UBQLN1: variants seen among roughly 807,000 people sequenced by gnomAD.
The protein encoded by UBQLN1 is ubiquilin 1.
Under a neutral mutation model 65.4 loss-of-function variants are expected in UBQLN1, and 13 were observed. The observed-to-expected ratio is 0.20, with a 90% CI of 0.13 to 0.32. UBQLN1 has a LOEUF of 0.32. Ranked by LOEUF, UBQLN1 falls within the 10% of genes least tolerant of loss-of-function variation. The pLI, the probability that UBQLN1 is intolerant of heterozygous loss-of-function variation, is 1.00. For synonymous variants in UBQLN1, 267 were observed against 247.8 expected, an observed-to-expected ratio of 1.08 and a Z score of -0.73; for missense variants, 561 against 724.0, an observed-to-expected ratio of 0.77 and a Z score of 2.58.
chr9:83,696,479 CAAT>C (rs1368977133), intron 1 of UBQLN1, among the ~76,000 whole-genome samples: 2 of 151,758 alleles, frequency 1.3e-5, no homozygotes, highest in African/African-American at 4.8e-5. Context: ...AAAAAAAACC[CAAT>C]AAGAAAAATA....
intron 1 of UBQLN1, among the ~76,000 whole-genome samples, chr9:83,695,926 T>G (rs768013275): frequency 6.6e-6 from 1 of 152,186 alleles, no homozygotes; most frequent in Non-Finnish European, 1.5e-5. Flanking sequence ...TTTGTATAGT[T>G]TCACTTCACT....
At position 83,707,681 on chromosome 9, in the gene UBQLN1, G is replaced by T; in HGVS notation, c.-2C>A. 1.3e-6 allele frequency: 2 copies of T among 1,536,150 alleles called. No homozygotes were observed. Among genetic ancestry groups the T allele is most frequent in the Non-Finnish European group, 8.7e-7 (1 of 1,145,790 alleles). ...GCCGCTTTCACCACTCTCGGCCATG[G>T]CTGTGGCGGCGGCGGCGGCGGTGAC... On this transcript the variant is annotated 5_prime_UTR_variant, in exon 1 of 11. Transcript: ENST00000376395.
intron 1 of UBQLN1, among the ~76,000 whole-genome samples, chr9:83,690,047 C>T (rs535403080): frequency 1.3e-5 from 2 of 152,206 alleles, no homozygotes; most frequent in South Asian, 4.1e-4. Flanking sequence ...TAAATCAGTA[C>T]ATTTTGGAAT....
intron 1 of UBQLN1, among the ~76,000 whole-genome samples, chr9:83,700,344 T>C (rs533821635): frequency 6.6e-6 from 1 of 152,316 alleles, no homozygotes; most frequent in Non-Finnish European, 1.5e-5. Context: ...GCTACCAGAT[T>C]ATGTACATAC....
In UBQLN1 at chr9:83,661,862, G is replaced by A; in HGVS notation, c.1695C>T (p.Asn565=). Residue 565 remains asparagine (N), a synonymous_variant, in exon 11 of 11, where the codon AAC becomes AAT. Transcript: ENST00000376395. ...SAMGFLNREA[N]LQALIATGGD... The stretch of plus-strand genomic sequence containing the variant: ...CTCCTGTTGCTATTAGAGCTTGCAA[G>A]TTTGCTTCACGGTTCAAAAATCCCA... 6.2e-7 allele frequency: 1 copy of A among 1,613,994 alleles called. No homozygotes were observed. Among genetic ancestry groups the A allele is most frequent in the Non-Finnish European group, 8.5e-7 (1 of 1,179,940 alleles).
rs140098034 is a variant in UBQLN1 at position 83,667,987 on chromosome 9, C to T, written c.1248+1198G>A. On this transcript the variant is annotated intron_variant, in intron 7 of 10. Transcript: ENST00000376395. The stretch of plus-strand genomic sequence containing the variant: ...AAGTAAGATTATTACAAAATTGCTA[C>T]GCATGTGCTTGTTAAAGTCAAATTT... 2,180 of 985,312 alleles carry T rather than the reference C, an allele frequency of 2.2e-3. 25 individuals are homozygous for T. Among genetic ancestry groups the T allele is most frequent in the Non-Finnish European group, 1.8e-3 (1,507 of 829,860 alleles). The allele number at this position is 985,312 out of a possible 1,614,324, so 61.0% of individuals were successfully genotyped here.
chr9:83,704,470 T>C (rs1460992948), intron 1 of UBQLN1, among the ~76,000 whole-genome samples: 1 of 152,178 alleles, frequency 6.6e-6, no homozygotes, highest in Non-Finnish European at 1.5e-5. Context: ...TGATCAAGAA[T>C]TTAAAAATAA....
chr9:83,667,319 C>T (rs1357337618), intron 7 of UBQLN1: 2 of 178,996 alleles, frequency 1.1e-5, no homozygotes, highest in African/African-American at 2.4e-5. Context: ...AGTAAAAAGT[C>T]AACTAACAAG....
intron 6 of UBQLN1, among the ~76,000 whole-genome samples, chr9:83,673,156 G>C (rs1831762114): frequency 6.6e-6 from 1 of 152,176 alleles, no homozygotes; most frequent in Non-Finnish European, 1.5e-5. Context: ...TTTGAACCCA[G>C]GAGAAGAAGG....
intron 9 of UBQLN1, 116 bp downstream of exon 9, chr9:83,664,914 G>A: frequency 1.5e-6 from 1 of 653,994 alleles, no homozygotes; most frequent in Non-Finnish European, 2.3e-6. Context: ...GCGAGACCCT[G>A]TATCCCACCA....
At chr9:83,706,364 A>G (rs1832406910) in intron 1 of UBQLN1, among the ~76,000 whole-genome samples, 1 of 152,256 alleles carries the variant, frequency 6.6e-6, no homozygotes, top group South Asian at 2.1e-4. Context: ...AATGGTAAGG[A>G]AAATTTTTAC....
chr9:83,668,905 A>G (rs1831685334), intron 7 of UBQLN1: 1 of 311,376 alleles, frequency 3.2e-6, no homozygotes, highest in Admixed American at 5.1e-5. Context: ...GGCATTCCAG[A>G]ACTCTGTACT....
At chr9:83,673,566 AAC>A (rs1421932672) in intron 6 of UBQLN1, among the ~76,000 whole-genome samples, 13 of 37,718 alleles carry the variant, frequency 3.4e-4, no homozygotes, top group African/African-American at 5.3e-4. Flanking sequence ...AAAAAAAAAA[AAC>A]AAAAAAAAAA....
intron 6 of UBQLN1, among the ~76,000 whole-genome samples, chr9:83,675,548 C>A (rs1186949099): frequency 6.6e-6 from 1 of 152,036 alleles, no homozygotes; most frequent in African/African-American, 2.4e-5. Context: ...ATACCACCAG[C>A]AACATTTTTC....
At chr9:83,691,430 C>A (rs1432703725) in intron 1 of UBQLN1, among the ~76,000 whole-genome samples, 1 of 152,124 alleles carries the variant, frequency 6.6e-6, no homozygotes, top group Non-Finnish European at 1.5e-5. Context: ...ATGAATATAG[C>A]TCACTTGAAC....
At chr9:83,705,506 G>C (rs571475173) in intron 1 of UBQLN1, among the ~76,000 whole-genome samples, 58 of 152,322 alleles carry the variant, frequency 3.8e-4, no homozygotes, top group African/African-American at 1.3e-3. Context: ...GCCTCACAAA[G>C]TGCTGGGATT....
At chr9:83,702,620 A>C (rs1401338093) in intron 1 of UBQLN1, among the ~76,000 whole-genome samples, 3 of 152,232 alleles carry the variant, frequency 2.0e-5, no homozygotes, top group Non-Finnish European at 4.4e-5. Flanking sequence ...ATTTCAATAC[A>C]TAATATATCA....
Position 83,682,957 on chromosome 9 carries a change from CA to C in UBQLN1, c.441del (p.Phe147LeufsTer3). 1.2e-6 allele frequency: 2 copies of C among 1,606,090 alleles called. No individual in the cohort carries two copies. The highest frequency in any genetic ancestry group is 1.7e-5 in the Admixed American group (1 of 59,822). Reference protein sequence around the residue: ...STSGSATSNPFGLGGLGGLAG... With the variant: ...STSGSATSNPXGLGGLGGLAG... ...AATGACTAAAGACACTTACCTAAACCAAAAGGGTTGCTAGTAGCAGAACCAG... is the reference window on the plus strand; with the variant it reads ...AATGACTAAAGACACTTACCTAAACCAAAGGGTTGCTAGTAGCAGAACCAG... On this transcript the variant is annotated frameshift_variant, in exon 3 of 11. Coordinates refer to ENST00000376395, the MANE Select transcript of UBQLN1 (RefSeq NM_013438.5). LOFTEE classifies it high-confidence loss of function.
intron 7 of UBQLN1, chr9:83,668,160 G>C (rs1831673033): frequency 1.0e-6 from 1 of 985,256 alleles, no homozygotes; most frequent in Non-Finnish European, 1.2e-6. Context: ...CCAATATACA[G>C]AATCACAGAC....
Sources: allele counts gnomAD v4.1 joint callset (sites outside exome capture counted in the v4.1 genomes callset), GRCh38; gene constraint gnomAD v4.1.1; transcripts MANE v1.5; gene names NCBI Gene and HGNC (gene_info 2026-07-23, HGNC 2026-07-21).